RPRD1A: variants seen among roughly 807,000 people sequenced by gnomAD.
RPRD1A encodes the protein regulation of nuclear pre-mRNA domain containing 1A, also known as regulation of nuclear pre-mRNA domain-containing protein 1A.
Under a neutral mutation model 37.8 loss-of-function variants are expected in RPRD1A, and 9 were observed. The observed-to-expected ratio is 0.24, with a 90% CI of 0.14 to 0.42. The LOEUF (loss-of-function observed/expected upper bound fraction) is 0.42, where lower values mean the gene tolerates loss of function less well. Ranked by LOEUF, RPRD1A falls within the 10% of genes least tolerant of loss-of-function variation. RPRD1A has a pLI of 1.00. For synonymous variants in RPRD1A, 138 were observed against 139.7 expected (o/e 0.99, Z 0.08); for missense variants, 255 against 371.0 (o/e 0.69, Z 2.57).
intron 1 of RPRD1A, among the ~76,000 whole-genome samples, chr18:36,037,047 C>T (rs960164019): frequency 1.3e-5 from 2 of 152,204 alleles, no homozygotes; most frequent in African/African-American, 4.8e-5. Context: ...ATTAACGTTT[C>T]CTGTTCAATC....
intron 1 of RPRD1A, among the ~76,000 whole-genome samples, chr18:36,062,323 CAAAAAAAAAA>C (rs752980996): frequency 1.2e-4 from 5 of 40,618 alleles, no homozygotes; most frequent in African/African-American, 3.0e-4. Flanking sequence ...GACTCCGTCT[CAAAAAAAAAA>C]AAAAAAAAAA....
Position 36,033,931 on chromosome 18 carries a change from T to G in RPRD1A, c.152-94A>C, listed in dbSNP as rs1911999739. On this transcript the variant is annotated intron_variant, in intron 1 of 6. Coordinates refer to ENST00000399022, the MANE Select transcript of RPRD1A (RefSeq NM_018170.5). ...AAATTAAGCATTTTGAGAACTAAAA[T>G]AACCCTACTAACCTTTATGTATCAT... The G allele has an allele frequency of 3.1e-6, 3 of 963,144 alleles. No homozygotes were observed. In the Admixed American group the frequency reaches 8.0e-5, roughly 26 times the overall value. 59.7% of individuals were successfully genotyped at this position (963,144 alleles called of 1,614,324 possible).
chr18:36,065,479 AAAG>A (rs1207355095), intron 1 of RPRD1A, among the ~76,000 whole-genome samples: 1 of 152,134 alleles, frequency 6.6e-6, no homozygotes, highest in Non-Finnish European at 1.5e-5. Flanking sequence ...TATTTTTTGT[AAAG>A]AAAAGGTTTC....
chr18:36,019,160 T>G (rs1284053570), intron 6 of RPRD1A, among the ~76,000 whole-genome samples: 1 of 139,692 alleles, frequency 7.2e-6, no homozygotes, highest in Non-Finnish European at 1.5e-5. Flanking sequence ...CAGGCTGGAG[T>G]GCAGTGGCGT....
intron 6 of RPRD1A, among the ~76,000 whole-genome samples, chr18:36,023,262 A>C (rs1239716821): frequency 1.3e-5 from 2 of 152,258 alleles, no homozygotes; most frequent in East Asian, 3.8e-4. Flanking sequence ...ATAAAATATC[A>C]ACATTAACAG....
At chr18:36,065,332 GT>G (rs1393982307) in intron 1 of RPRD1A, among the ~76,000 whole-genome samples, 1 of 147,538 alleles carries the variant, frequency 6.8e-6, no homozygotes, top group African/African-American at 2.7e-5. Context: ...TCAAGATTTT[GT>G]TTGTTTTTCA....
At chr18:36,033,050 T>C (rs1465872850) in intron 2 of RPRD1A, among the ~76,000 whole-genome samples, 1 of 152,054 alleles carries the variant, frequency 6.6e-6, no homozygotes, top group Non-Finnish European at 1.5e-5. Context: ...ACGTTTGTAA[T>C]CCCAGCACTT....
chr18:36,021,024 C>G (rs1910959150), intron 6 of RPRD1A, among the ~76,000 whole-genome samples: 3 of 152,120 alleles, frequency 2.0e-5, no homozygotes, highest in Admixed American at 6.5e-5. Flanking sequence ...TTATCAACAA[C>G]TAAAAGATTA....
rs1348356259 is a variant in RPRD1A, at chr18:36,033,299, C to CCAA, written c.281+408_281+409insTTG. ...CCTGGGTGAGAGTGAGACTCTGTCT[C>CCAA]AAAAAAAAAAAAAAAAAAAAAAAAA... On this transcript the variant is annotated intron_variant, in intron 2 of 6. Coordinates refer to ENST00000399022, the MANE Select transcript of RPRD1A (RefSeq NM_018170.5). Among the ~76,000 whole-genome samples, 247 of 75,950 alleles carry CCAA rather than the reference C, an allele frequency of 3.3e-3. 12 individuals are homozygous for CCAA. The highest frequency in any genetic ancestry group is 0.014 in the African/African-American group (234 of 17,208). 49.8% of individuals were successfully genotyped at this position (75,950 alleles called of 152,430 possible). A position where few individuals can be genotyped will look rare whatever the true frequency, so the allele number is the denominator to read the frequency against.
At chr18:35,998,461 T>G (rs1422383204) in intron 6 of RPRD1A, among the ~76,000 whole-genome samples, 1 of 152,232 alleles carries the variant, frequency 6.6e-6, no homozygotes, top group Non-Finnish European at 1.5e-5. Flanking sequence ...CTTACTCTGT[T>G]GACCGAAGCC....
At chr18:35,998,000 GAAAT>G (rs1326380200) in intron 6 of RPRD1A, among the ~76,000 whole-genome samples, 3 of 152,072 alleles carry the variant, frequency 2.0e-5, no homozygotes, top group African/African-American at 7.2e-5. Context: ...TTCATTCTAA[GAAAT>G]AATATCCATG....
intron 6 of RPRD1A, chr18:36,026,265 TGAAA>T (rs1190870947): frequency 6.6e-6 from 1 of 152,360 alleles, no homozygotes; most frequent in African/African-American, 2.4e-5. Context: ...ACTCATCAAC[TGAAA>T]GATTTTTTTT....
intron 6 of RPRD1A, among the ~76,000 whole-genome samples, chr18:36,020,786 T>C (rs1910945095): frequency 6.6e-6 from 1 of 151,544 alleles, no homozygotes; most frequent in South Asian, 2.1e-4. Flanking sequence ...TGTACTCCAG[T>C]GTGGATGACA....
chr18:36,057,396 C>A (rs1913868300), intron 1 of RPRD1A, among the ~76,000 whole-genome samples: 1 of 151,908 alleles, frequency 6.6e-6, no homozygotes, highest in Non-Finnish European at 1.5e-5. Flanking sequence ...TCACTTGAGC[C>A]CAGGAGTTTG....
At chr18:36,012,503 T>G (rs1910242188) in intron 6 of RPRD1A, among the ~76,000 whole-genome samples, 1 of 152,196 alleles carries the variant, frequency 6.6e-6, no homozygotes, top group Non-Finnish European at 1.5e-5. Flanking sequence ...TTCACAACAG[T>G]AACATGCTAT....
At chr18:36,043,815 A>G (rs2144347981) in intron 1 of RPRD1A, among the ~76,000 whole-genome samples, 1 of 152,320 alleles carries the variant, frequency 6.6e-6, no homozygotes, top group South Asian at 2.1e-4. Context: ...CATTTTACCA[A>G]TGAAACAATT....
chr18:36,033,303 A>C (rs1445343011), intron 2 of RPRD1A, among the ~76,000 whole-genome samples: 30 of 116,108 alleles, frequency 2.6e-4, no homozygotes, highest in African/African-American at 7.8e-4. Context: ...CTGTCTCAAA[A>C]AAAAAAAAAA....
intron 6 of RPRD1A, among the ~76,000 whole-genome samples, chr18:36,018,440 A>AT (rs1214116046): frequency 1.3e-5 from 2 of 151,478 alleles, no homozygotes; most frequent in African/African-American, 4.9e-5. Context: ...CGCCCAACTA[A>AT]TTTTTTCTAT....
chr18:36,053,402 T>C (rs1276132683), intron 1 of RPRD1A, among the ~76,000 whole-genome samples: 12 of 152,334 alleles, frequency 7.9e-5, no homozygotes, highest in African/African-American at 2.9e-4. Context: ...TCATATATTA[T>C]GGAATTACAT....
Sources: gnomAD v4.1 joint callset for allele counts (sites outside exome capture counted in the v4.1 genomes callset) on GRCh38, gnomAD v4.1.1 for gene constraint, MANE v1.5 for transcripts, NCBI Gene and HGNC (gene_info 2026-07-23, HGNC 2026-07-21) for gene names.